Variants in ADGRG6 observed in about 807,000 individuals in gnomAD.
The protein encoded by ADGRG6 is adhesion G protein-coupled receptor G6.
ADGRG6 carries 84 observed loss-of-function variants against 142.4 expected under a neutral mutation model. That is an observed-to-expected ratio of 0.59 (90% CI 0.49 to 0.71). The LOEUF (loss-of-function observed/expected upper bound fraction) is 0.71, where lower values mean the gene tolerates loss of function less well. ADGRG6 is among the 30% of genes least tolerant of loss of function. The probability of loss-of-function intolerance (pLI) is 0.00; values close to 1 mark genes in which losing one functional copy is unlikely to be tolerated. For missense variants in ADGRG6, 1,367 were observed against 1,466.6 expected, an observed-to-expected ratio of 0.93 and a Z score of 1.11; for synonymous variants, 521 against 520.5, an observed-to-expected ratio of 1.00 and a Z score of -0.01.
rs553597693 is a variant in ADGRG6 at position 142,404,435 on chromosome 6, G to A, written c.2127+462G>A. ...GTGGGTGGATCACTTGAGGTCAGGA[G>A]TTTGAGACCAGGCTGGCCAACATGG... On this transcript the variant is annotated intron_variant, in intron 14 of 24. Coordinates refer to ENST00000367609, the MANE Select transcript of ADGRG6 (RefSeq NM_198569.3). 2.0e-5 allele frequency among the ~76,000 whole-genome samples: 3 copies of A among 152,174 alleles called. No homozygotes were observed. In the South Asian group the frequency reaches 6.2e-4, roughly 32 times the overall value.
At chr6:142,368,919 G>A (rs888480433) in intron 3 of ADGRG6, among the ~76,000 whole-genome samples, 4 of 152,008 alleles carry the variant, frequency 2.6e-5, no homozygotes, top group Non-Finnish European at 5.9e-5. Flanking sequence ...TTTATTTCTA[G>A]GCTTTTAATT....
At chr6:142,399,506 A>G (rs921771390) in intron 10 of ADGRG6, among the ~76,000 whole-genome samples, 1 of 152,184 alleles carries the variant, frequency 6.6e-6, no homozygotes, top group South Asian at 2.1e-4. Flanking sequence ...TAGTTTATCT[A>G]TGACTGGAGA....
chr6:142,321,061 A>T (rs770118228), intron 2 of ADGRG6, among the ~76,000 whole-genome samples: 5 of 152,014 alleles, frequency 3.3e-5, no homozygotes, highest in Non-Finnish European at 5.9e-5. Flanking sequence ...GAATATTTAC[A>T]TTATGAAAGG....
intron 2 of ADGRG6, among the ~76,000 whole-genome samples, chr6:142,352,524 G>A (rs760764390): frequency 3.9e-5 from 6 of 152,026 alleles, no homozygotes; most frequent in African/African-American, 2.4e-5. Context: ...ACTATGCTCC[G>A]TATTTTGGTG....
chr6:142,316,620 A>C (rs1778087416), intron 2 of ADGRG6, among the ~76,000 whole-genome samples: 1 of 152,152 alleles, frequency 6.6e-6, no homozygotes, highest in Admixed American at 6.6e-5. Flanking sequence ...TATGTCCAGA[A>C]ATATGACATT....
At chr6:142,329,904 T>G (rs995318939) in intron 2 of ADGRG6, among the ~76,000 whole-genome samples, 2 of 152,126 alleles carry the variant, frequency 1.3e-5, no homozygotes, top group Admixed American at 6.6e-5. Context: ...AAGACAGCTG[T>G]GTAAAGGTGA....
At chr6:142,430,623 C>T (rs1460894676) in intron 22 of ADGRG6, among the ~76,000 whole-genome samples, 1 of 152,044 alleles carries the variant, frequency 6.6e-6, no homozygotes, top group African/African-American at 2.4e-5. Context: ...CTTTTTCCCC[C>T]GAATAGTTAA....
In ADGRG6 at chr6:142,444,970, G is replaced by A. The variant is rs1221739354; in HGVS notation, c.*1455G>A. ...CCAATCTGCTTAAAGGCAAAGTCCA[G>A]AACCTGGAACCTAGAGGCCTTTCTC... On this transcript the variant is annotated 3_prime_UTR_variant, in exon 25 of 25. Coordinates refer to ENST00000367609, the MANE Select transcript of ADGRG6 (RefSeq NM_198569.3). 1 of 152,174 alleles carries A rather than the reference G, an allele frequency of 6.6e-6. No homozygotes were observed. The highest frequency in any genetic ancestry group is 2.4e-5 in the African/African-American group (1 of 41,440). The allele number at this position is 152,174 out of a possible 1,614,324, so 9.4% of individuals were successfully genotyped here.
In ADGRG6 at chr6:142,358,673, G is replaced by A. The variant is rs182642971; in HGVS notation, c.104-8896G>A. Among the ~76,000 whole-genome samples the A allele has an allele frequency of 2.3e-4, 35 of 152,256 alleles. 1 individual carries two copies. The East Asian group carries it at 6.8e-3, about 29-fold the overall frequency. ...TGTAATCCCAGCACTTTGGGAGGCC[G>A]AGGAGGGCGGATCATGAGGTCAGGA... On this transcript the variant is annotated intron_variant, in intron 2 of 24. Transcript: ENST00000367609.
chr6:142,399,662 C>T (rs1440408394), intron 10 of ADGRG6, among the ~76,000 whole-genome samples: 3 of 152,124 alleles, frequency 2.0e-5, no homozygotes, highest in Admixed American at 6.5e-5. Context: ...TGTGGATAAG[C>T]GCTTCTACCA....
chr6:142,440,611 TA>T (rs1777709232), intron 24 of ADGRG6, among the ~76,000 whole-genome samples: 1 of 152,180 alleles, frequency 6.6e-6, no homozygotes, highest in Non-Finnish European at 1.5e-5. Flanking sequence ...TTTTGTTTTT[TA>T]AAGAATGCAT....
intron 2 of ADGRG6, among the ~76,000 whole-genome samples, chr6:142,312,578 C>A (rs551316553): frequency 1.3e-5 from 2 of 151,904 alleles, no homozygotes; most frequent in Non-Finnish European, 2.9e-5. Context: ...TGACAACATC[C>A]AATACAATCA....
In ADGRG6 at chr6:142,438,193, A is replaced by C. The variant is rs748355384; in HGVS notation, c.3422-19A>C. Reference sequence around the variant, plus strand: ...CCCGGTAAAGCAGATTGATAGGGTGATGTCATTTTTTTTTTCAGATTGGAG... The same window carrying C: ...CCCGGTAAAGCAGATTGATAGGGTGCTGTCATTTTTTTTTTCAGATTGGAG... On this transcript the variant is annotated intron_variant, in intron 23 of 24. Transcript: ENST00000367609. 23 of 1,538,554 alleles carry C rather than the reference A, an allele frequency of 1.5e-5. No individual in the cohort carries two copies. The East Asian group carries it at 4.6e-4, about 31-fold the overall frequency.
chr6:142,332,301 A>G (rs1779100513), intron 2 of ADGRG6, among the ~76,000 whole-genome samples: 1 of 152,198 alleles, frequency 6.6e-6, no homozygotes, highest in African/African-American at 2.4e-5. Flanking sequence ...GTCCTAGCAT[A>G]TTAGTGATAC....
chr6:142,404,583 G>A (rs1353213567), intron 14 of ADGRG6, among the ~76,000 whole-genome samples: 1 of 152,098 alleles, frequency 6.6e-6, no homozygotes, highest in East Asian at 1.9e-4. Context: ...GGCTGAGGTT[G>A]CAGTGAGCCG....
chr6:142,342,255 A>G (rs1779693871), intron 2 of ADGRG6, among the ~76,000 whole-genome samples: 1 of 152,156 alleles, frequency 6.6e-6, no homozygotes, highest in Non-Finnish European at 1.5e-5. Context: ...AAAGGAAAAC[A>G]TAGGAAACTT....
Position 142,390,352 on chromosome 6 carries a change from G to C in ADGRG6, c.1308+9G>C, listed in dbSNP as rs373210620. 1.6e-5 allele frequency: 25 copies of C among 1,530,786 alleles called. No individual in the cohort carries two copies. Among genetic ancestry groups the C allele is most frequent in the Non-Finnish European group, 2.2e-5 (25 of 1,117,636 alleles). The allele number at this position is 1,530,786 out of a possible 1,614,324, so 94.8% of individuals were successfully genotyped here. On this transcript the variant is annotated intron_variant, in intron 7 of 24. Coordinates refer to ENST00000367609, the MANE Select transcript of ADGRG6 (RefSeq NM_198569.3). ...GCAAGGTGGCAGAATGGGTAAGTGA[G>C]CTTGTAACTTTTCTTTTTTAAAAAA...
intron 2 of ADGRG6, among the ~76,000 whole-genome samples, chr6:142,366,200 T>C (rs1780934481): frequency 6.6e-6 from 1 of 152,192 alleles, no homozygotes; most frequent in Non-Finnish European, 1.5e-5. Context: ...AATGGGATAA[T>C]AGCATTTCCC....
intron 1 of ADGRG6, among the ~76,000 whole-genome samples, chr6:142,308,287 G>A (rs9496331): frequency 0.021 from 3,252 of 152,022 alleles, 116 homozygotes; most frequent in African/African-American, 0.071. Flanking sequence ...GGCACAAGGC[G>A]ATCAAGCAAT....
Sources: allele counts gnomAD v4.1 joint callset (sites outside exome capture counted in the v4.1 genomes callset), GRCh38; gene constraint gnomAD v4.1.1; transcripts MANE v1.5; gene names NCBI Gene and HGNC (gene_info 2026-07-23, HGNC 2026-07-21).